RORA: variants seen among roughly 807,000 people sequenced by gnomAD.
The protein encoded by RORA is nuclear receptor ROR-alpha.
In RORA, 7 loss-of-function variants were observed where a neutral mutation model predicts 69.5. The ratio of observed to expected loss-of-function variants is 0.10; its 90% CI spans 0.06 to 0.19. The LOEUF (loss-of-function observed/expected upper bound fraction) is 0.19. Ranked by LOEUF, RORA falls within the 10% of genes least tolerant of loss-of-function variation. The pLI, the probability that RORA is intolerant of heterozygous loss-of-function variation, is 1.00. For synonymous variants in RORA, 261 were observed against 240.8 expected (o/e 1.08, Z -0.78); for missense variants, 457 against 663.0 (o/e 0.69, Z 3.41).
chr15:60,540,865 A>G (rs1469664947), intron 2 of RORA, among the ~76,000 whole-genome samples: 2 of 152,200 alleles, frequency 1.3e-5, no homozygotes. Context: ...AGCCCAGAAC[A>G]CTAAAAAGAC....
intron 2 of RORA, among the ~76,000 whole-genome samples, chr15:60,641,803 C>A (rs1464650538): frequency 1.3e-5 from 2 of 152,132 alleles, no homozygotes; most frequent in Non-Finnish European, 2.9e-5. Context: ...AATTTTCAAA[C>A]ACTCAACATA....
At chr15:60,813,326 C>T (rs1567199758) in intron 1 of RORA, among the ~76,000 whole-genome samples, 1 of 152,222 alleles carries the variant, frequency 6.6e-6, no homozygotes, top group Non-Finnish European at 1.5e-5. Context: ...CGCCCAGCTG[C>T]TTTCTCCAGG....
chr15:60,582,547 A>AG (rs1206089388), intron 2 of RORA, among the ~76,000 whole-genome samples: 1 of 152,146 alleles, frequency 6.6e-6, no homozygotes, highest in Non-Finnish European at 1.5e-5. Flanking sequence ...CACCCTATGT[A>AG]GGGGGGTTTC....
chr15:60,685,298 CCTTA>C (rs986693976), intron 1 of RORA, among the ~76,000 whole-genome samples: 1 of 152,218 alleles, frequency 6.6e-6, no homozygotes, highest in African/African-American at 2.4e-5. Flanking sequence ...GCTGTGCTCT[CCTTA>C]CTTCTTTTTG....
chr15:60,666,439 C>T (rs1370253270), intron 2 of RORA, among the ~76,000 whole-genome samples: 1 of 151,250 alleles, frequency 6.6e-6, no homozygotes, highest in Admixed American at 6.6e-5. Flanking sequence ...CCCTCCTCAG[C>T]CTCCCAAAGT....
chr15:60,645,829 G>GTATATATGTATGATAAC (rs2070032531), intron 2 of RORA, among the ~76,000 whole-genome samples: 2 of 150,152 alleles, frequency 1.3e-5, no homozygotes, highest in Non-Finnish European at 3.0e-5. Context: ...TTAAGGGGCT[G>GTATATATGTATGATAAC]ATTTCGTTAT....
chr15:61,077,745 A>T (rs907578558), intron 1 of RORA, among the ~76,000 whole-genome samples: 1 of 152,314 alleles, frequency 6.6e-6, no homozygotes, highest in East Asian at 1.9e-4. Context: ...ACTAATGCCC[A>T]TAATTCTTTA....
intron 1 of RORA, among the ~76,000 whole-genome samples, chr15:61,113,866 C>T (rs1057377363): frequency 6.6e-6 from 1 of 152,170 alleles, no homozygotes; most frequent in African/African-American, 2.4e-5. Context: ...AATTGACCTT[C>T]GTTGCCAAGG....
chr15:60,898,201 A>G (rs1181922911), intron 1 of RORA, among the ~76,000 whole-genome samples: 1 of 152,234 alleles, frequency 6.6e-6, no homozygotes, highest in Non-Finnish European at 1.5e-5. Context: ...ATATCAGTAA[A>G]TGACAGGAAT....
At chr15:60,876,585 C>T (rs17303216) in intron 1 of RORA, among the ~76,000 whole-genome samples, 47,117 of 151,998 alleles carry the variant, frequency 0.31, 7,535 homozygotes, top group Non-Finnish European at 0.34. Flanking sequence ...TTCAGTCTGC[C>T]TGTGACACCA....
intron 1 of RORA, among the ~76,000 whole-genome samples, chr15:60,806,551 A>G (rs1226076678): frequency 6.6e-6 from 1 of 152,218 alleles, no homozygotes; most frequent in African/African-American, 2.4e-5. Flanking sequence ...AATGAGAAAA[A>G]TGGCAATGCC....
chr15:60,574,740 C>A lies in RORA; in HGVS notation c.197-42889G>T, dbSNP rs796426767. ...ATCCCTATGAGGTAGATGTTATTAT[C>A]ATCTTTATTTGATAGATGATAAAAC... On this transcript the variant is annotated intron_variant, in intron 2 of 10. Coordinates refer to ENST00000335670, the MANE Select transcript of RORA (RefSeq NM_134261.3). Among the ~76,000 whole-genome samples, 31 of 152,272 alleles carry A rather than the reference C, an allele frequency of 2.0e-4. 1 individual carries two copies. The highest frequency in any genetic ancestry group is 7.5e-4 in the African/African-American group (31 of 41,546).
intron 1 of RORA, among the ~76,000 whole-genome samples, chr15:61,110,427 C>A (rs959249127): frequency 6.6e-6 from 1 of 151,414 alleles, no homozygotes; most frequent in South Asian, 2.1e-4. Flanking sequence ...GAATTATGTA[C>A]AGCATATAAT....
rs145891587 is a variant in RORA, at chr15:61,160,552, C to T, written c.166+68501G>A. On this transcript the variant is annotated intron_variant, in intron 1 of 10. Transcript: ENST00000335670. ...GCAAATGTTAAGCATGAAACAACGG[C>T]GAAGAAGGGGACTTTGCTGAGAATG... Among the ~76,000 whole-genome samples, 553 of 152,230 alleles carry T rather than the reference C, an allele frequency of 3.6e-3. 4 individuals carry two copies. The highest frequency in any genetic ancestry group is 0.012 in the African/African-American group (515 of 41,550).
At chr15:60,677,429 G>A (rs1382881671) in intron 2 of RORA, among the ~76,000 whole-genome samples, 3 of 152,128 alleles carry the variant, frequency 2.0e-5, no homozygotes, top group Admixed American at 6.5e-5. Flanking sequence ...GGTGCCATCC[G>A]GATCATGTGT....
intron 1 of RORA, among the ~76,000 whole-genome samples, chr15:60,979,268 CTTTTTTT>C (rs767729204): frequency 1.2e-4 from 8 of 64,276 alleles, no homozygotes; most frequent in African/African-American, 3.8e-4. Context: ...CTAGCCCTTG[CTTTTTTT>C]TTTTTTTTTT....
chr15:61,138,700 G>A (rs1488319678), intron 1 of RORA, among the ~76,000 whole-genome samples: 2 of 152,046 alleles, frequency 1.3e-5, no homozygotes, highest in East Asian at 1.9e-4. Flanking sequence ...TCTGTGGAAC[G>A]TCTGTGCCCC....
rs78155348 is a variant in RORA at position 60,894,014 on chromosome 15, G to A, written c.167-215328C>T. Reference sequence around the variant, plus strand: ...CCTCGGCCGAGCAGCCATTTTGATCGCTAAAGTGCCTGCGGGAAGACCCCA... The same window carrying A: ...CCTCGGCCGAGCAGCCATTTTGATCACTAAAGTGCCTGCGGGAAGACCCCA... On this transcript the variant is annotated intron_variant, in intron 1 of 10. Coordinates refer to ENST00000335670, the MANE Select transcript of RORA (RefSeq NM_134261.3). Among the ~76,000 whole-genome samples, 506 of 152,150 alleles carry A rather than the reference G, an allele frequency of 3.3e-3. 6 individuals are homozygous for A. The highest frequency in any genetic ancestry group is 0.032 in the East Asian group (163 of 5,156).
At chr15:60,512,068 G>GC (rs2065718572) in intron 4 of RORA, 1 of 167,022 alleles carries the variant, frequency 6.0e-6, no homozygotes, top group Admixed American at 5.8e-5. Context: ...AAACCTCAGC[G>GC]TTCATTCAGT....
Sources: gnomAD v4.1 joint callset for allele counts (sites outside exome capture counted in the v4.1 genomes callset) on GRCh38, gnomAD v4.1.1 for gene constraint, MANE v1.5 for transcripts, NCBI Gene and HGNC (gene_info 2026-07-23, HGNC 2026-07-21) for gene names.